Variants in PRPH2 observed in about 807,000 individuals in gnomAD.
The protein encoded by PRPH2 is peripherin 2.
In PRPH2, 17 loss-of-function variants were observed where a neutral mutation model predicts 31.3. The observed-to-expected ratio is 0.54, with a 90% CI of 0.37 to 0.81. PRPH2 has a LOEUF of 0.81. Ranked by LOEUF, PRPH2 falls within the 40% of genes least tolerant of loss-of-function variation. PRPH2 has a pLI of 0.00. For missense variants in PRPH2, 430 were observed against 439.7 expected (o/e 0.98, Z 0.20); for synonymous variants, 165 against 184.4 (o/e 0.89, Z 0.85).
Position 42,698,268 on chromosome 6 carries a change from T to A in PRPH2, c.*27A>T. ...TCTTGGAGTGCACTATTTCTCAGTG[T>A]TCGGGAGGGGAGGGGCCCCAGGGCC... On this transcript the variant is annotated 3_prime_UTR_variant, in exon 3 of 3. Transcript: ENST00000230381. 6.2e-7 allele frequency: 1 copy of A among 1,612,830 alleles called. No homozygotes were observed. The highest frequency in any genetic ancestry group is 1.1e-5 in the South Asian group (1 of 91,030).
chr6:42,711,795 G>T (rs1761648175), intron 1 of PRPH2: 1 of 985,306 alleles, frequency 1.0e-6, no homozygotes, highest in Non-Finnish European at 1.2e-6. Context: ...ATGGTGAAGA[G>T]CAAGAGCTTG....
At chr6:42,706,247 T>C (rs1423308542) in intron 1 of PRPH2, among the ~76,000 whole-genome samples, 4 of 151,212 alleles carry the variant, frequency 2.6e-5, no homozygotes, top group African/African-American at 9.7e-5. Flanking sequence ...CTACTAAATA[T>C]ACAAAAAATT....
At position 42,719,763 on chromosome 6, in the gene PRPH2, T is replaced by C. The variant is rs1362463493; in HGVS notation, c.581+1991A>G. Among the ~76,000 whole-genome samples the C allele has an allele frequency of 6.7e-4, 101 of 151,710 alleles. 1 individual carries two copies. The highest frequency in any genetic ancestry group is 1.6e-4 in the Non-Finnish European group (11 of 67,918). On this transcript the variant is annotated intron_variant, in intron 1 of 2. Coordinates refer to ENST00000230381, the MANE Select transcript of PRPH2 (RefSeq NM_000322.5). ...TTTGTATTTTTAGTAGAGACGGGGT[T>C]TCTCCGTGTTGGTCAGGCTGGTCTC...
At chr6:42,719,818 C>T (rs1248314352) in intron 1 of PRPH2, among the ~76,000 whole-genome samples, 1 of 152,108 alleles carries the variant, frequency 6.6e-6, no homozygotes, top group African/African-American at 2.4e-5. Flanking sequence ...ATCCGCCCGC[C>T]TCGGCCTCCC....
At chr6:42,700,987 CTTTTT>C (rs11309863) in intron 2 of PRPH2, among the ~76,000 whole-genome samples, 2 of 139,950 alleles carry the variant, frequency 1.4e-5, no homozygotes, top group Non-Finnish European at 3.1e-5. Context: ...ACTTTTCTTT[CTTTTT>C]TTTTTTTTTT....
chr6:42,718,337 A>G (rs988658927), intron 1 of PRPH2, among the ~76,000 whole-genome samples: 7 of 151,496 alleles, frequency 4.6e-5, no homozygotes, highest in African/African-American at 1.7e-4. Flanking sequence ...ATGGTGCCAC[A>G]CACCTATATA....
chr6:42,719,752 A>G (rs554857536), intron 1 of PRPH2, among the ~76,000 whole-genome samples: 2 of 151,808 alleles, frequency 1.3e-5, no homozygotes, highest in African/African-American at 4.8e-5. Context: ...TATTTTTAGT[A>G]GAGACGGGGT....
chr6:42,719,536 TATCAG>T (rs886937894), intron 1 of PRPH2, among the ~76,000 whole-genome samples: 3 of 151,566 alleles, frequency 2.0e-5, no homozygotes, highest in African/African-American at 7.3e-5. Flanking sequence ...AATGTTATAC[TATCAG>T]ATTACAAAAT....
In PRPH2 at chr6:42,704,528, C is replaced by G. The variant is rs1442844778; in HGVS notation, c.665G>C (p.Cys222Ser). 6.2e-7 allele frequency: 1 copy of G among 1,614,064 alleles called. No individual in the cohort carries two copies. The highest frequency in any genetic ancestry group is 1.1e-5 in the South Asian group (1 of 91,080). The change falls in exon 2 of 3, where the codon TGC becomes TCC. Residue 222 changes from cysteine (C) to serine (S), a missense_variant. Transcript: ENST00000230381. ...GTTGTTGGTGATCTGATACTGGATG[C>G]AGGGCCGTGGCGAGCTAGGATTGCA... is the stretch of plus-strand genomic sequence containing the variant. ...SCCNPSSPRP[C>S]IQYQITNNSA... is the part of the protein sequence containing the mutation.
At chr6:42,712,777 A>G (rs7744151) in intron 1 of PRPH2, among the ~76,000 whole-genome samples, 84,473 of 151,704 alleles carry the variant, frequency 0.56, 23,475 homozygotes, top group Middle Eastern at 0.63. Flanking sequence ...CTCAGCCTCC[A>G]AGTAGCTGGA....
intron 2 of PRPH2, 146 bp from the exon 3 acceptor site, chr6:42,698,653 C>T: frequency 8.7e-7 from 1 of 1,146,940 alleles, no homozygotes; most frequent in Non-Finnish European, 1.3e-6. Context: ...CAGCCTGCCC[C>T]ACGCTGCCCT....
rs1174974931 is a variant in PRPH2, at chr6:42,722,447, G to A, written c.-113C>T. On this transcript the variant is annotated 5_prime_UTR_variant, in exon 1 of 3. The change creates a premature stop within an existing upstream ORF in the 5' untranslated region. Transcript: ENST00000230381. This position sits in a 1 kb window ranked among gnomAD's most constrained non-coding sequence, Gnocchi z 4.4. The stretch of plus-strand genomic sequence containing the variant: ...GGGAAAAGTGCAGATGGCCCAAGCT[G>A]TAGGGAGCTGCCCTGGGGGCTACCC... 9.7e-6 allele frequency: 15 copies of A among 1,543,092 alleles called. No individual in the cohort carries two copies. Among genetic ancestry groups the A allele is most frequent in the East Asian group, 4.8e-5 (2 of 41,652 alleles).
At chr6:42,704,777 G>A (rs1478014520) in intron 1 of PRPH2, among the ~76,000 whole-genome samples, 166 bp from the exon 2 acceptor site, 1 of 152,188 alleles carries the variant, frequency 6.6e-6, no homozygotes, top group African/African-American at 2.4e-5. Flanking sequence ...AGGCGCTGAA[G>A]ACAAAAAAAT....
rs1357088347 is a variant in PRPH2, at chr6:42,712,728, T to G, written c.582-8117A>C. Among the ~76,000 whole-genome samples the G allele has an allele frequency of 6.1e-5, 9 of 147,238 alleles. 2 individuals are homozygous for G. The South Asian group carries it at 6.4e-4, about 10-fold the overall frequency. On this transcript the variant is annotated intron_variant, in intron 1 of 2. Coordinates refer to ENST00000230381, the MANE Select transcript of PRPH2 (RefSeq NM_000322.5). The stretch of plus-strand genomic sequence containing the variant: ...CACTGTGCCCAGCCTGTTTTTTCCT[T>G]TTTTTTTTAGAGACCTTGTGCTCAA...
intron 1 of PRPH2, among the ~76,000 whole-genome samples, chr6:42,705,263 A>ATTTGT (rs1363496591): frequency 6.6e-6 from 1 of 152,056 alleles, no homozygotes; most frequent in Admixed American, 6.6e-5. Context: ...TTTTGTGTGT[A>ATTTGT]TTTGTTTAGC....
intron 2 of PRPH2, among the ~76,000 whole-genome samples, chr6:42,703,267 C>T (rs1189136000): frequency 1.3e-5 from 2 of 152,026 alleles, no homozygotes; most frequent in South Asian, 2.1e-4. Flanking sequence ...AACCAAAGAG[C>T]GAATTCAGCA....
chr6:42,711,406 G>T (rs964813268), intron 1 of PRPH2, among the ~76,000 whole-genome samples: 6 of 152,214 alleles, frequency 3.9e-5, no homozygotes, highest in African/African-American at 1.2e-4. Context: ...GTGACATGAG[G>T]AGGAGACACA....
intron 2 of PRPH2, among the ~76,000 whole-genome samples, chr6:42,703,916 G>A (rs1207956256): frequency 1.3e-5 from 2 of 152,016 alleles, no homozygotes; most frequent in Non-Finnish European, 2.9e-5. Context: ...CCTGGCTAAT[G>A]CAGTGAAAAC....
intron 1 of PRPH2, among the ~76,000 whole-genome samples, chr6:42,708,941 G>C (rs1324181813): frequency 2.6e-5 from 4 of 152,164 alleles, no homozygotes; most frequent in Non-Finnish European, 4.4e-5. Flanking sequence ...CTTCCGCTTA[G>C]AGCCATTGGA....
Sources: gnomAD v4.1 joint callset for allele counts (sites outside exome capture counted in the v4.1 genomes callset) on GRCh38, gnomAD v4.1.1 for gene constraint, Gnocchi (gnomAD v3.1) non-coding constraint, MANE v1.5 for transcripts, NCBI Gene and HGNC (gene_info 2026-07-23, HGNC 2026-07-21) for gene names.